Variants in PTGER3 observed in about 807,000 individuals in gnomAD.
PTGER3 encodes prostaglandin E receptor 3, also known as prostaglandin E2 receptor EP3 subtype.
PTGER3 carries 22 observed loss-of-function variants against 34.7 expected under a neutral mutation model. That is an observed-to-expected ratio of 0.63 (90% CI 0.45 to 0.91). The LOEUF is 0.91. PTGER3 is among the 40% of genes least tolerant of loss of function. The pLI is 0.00. For synonymous variants in PTGER3, 241 were observed against 230.1 expected (o/e 1.05, Z -0.43); for missense variants, 468 against 519.4 (o/e 0.90, Z 0.96).
At chr1:70,865,984 C>T in intron 4 of PTGER3, 1 of 390,422 alleles carries the variant, frequency 2.6e-6, no homozygotes, top group East Asian at 7.4e-5. Flanking sequence ...TCAAGCACTT[C>T]CTTCTCTGGG....
chr1:71,026,752 A>G (rs1388967848), intron 1 of PTGER3, among the ~76,000 whole-genome samples: 3 of 152,076 alleles, frequency 2.0e-5, no homozygotes, highest in African/African-American at 2.4e-5. Flanking sequence ...TTACTATTAT[A>G]ATGTTTCTAA....
chr1:71,043,273 C>T (rs570308502), intron 1 of PTGER3, among the ~76,000 whole-genome samples: 13 of 152,296 alleles, frequency 8.5e-5, no homozygotes, highest in Admixed American at 8.5e-4. Context: ...TAACTAAAAA[C>T]TGTAGGTCAT....
chr1:70,987,504 T>C (rs1164405293), intron 2 of PTGER3, among the ~76,000 whole-genome samples: 2 of 152,202 alleles, frequency 1.3e-5, no homozygotes, highest in Non-Finnish European at 2.9e-5. Context: ...ATAATAAATA[T>C]GGTAATTGCA....
chr1:70,927,132 C>T (rs539116984), intron 4 of PTGER3, among the ~76,000 whole-genome samples: 4 of 152,226 alleles, frequency 2.6e-5, no homozygotes, highest in Admixed American at 2.0e-4. Flanking sequence ...GGATATTGGT[C>T]TAAAATTCTC....
chr1:70,896,588 C>A (rs570110001), intron 4 of PTGER3, among the ~76,000 whole-genome samples: 2 of 152,168 alleles, frequency 1.3e-5, no homozygotes, highest in African/African-American at 4.8e-5. Context: ...ATTGTTACAG[C>A]AGCCCTAGGA....
intron 1 of PTGER3, among the ~76,000 whole-genome samples, chr1:71,028,815 T>C (rs1222031661): frequency 5.9e-5 from 9 of 152,312 alleles, no homozygotes; most frequent in Admixed American, 5.2e-4. Context: ...AGAATTTTTA[T>C]TACTAACAAC....
chr1:71,001,168 A>T (rs1208222920), intron 2 of PTGER3, among the ~76,000 whole-genome samples: 2 of 151,982 alleles, frequency 1.3e-5, no homozygotes, highest in Non-Finnish European at 2.9e-5. Context: ...AGAGATGCAC[A>T]TAGTATTTTA....
intron 4 of PTGER3, among the ~76,000 whole-genome samples, chr1:70,855,153 GA>G (rs34747258): frequency 0.33 from 49,451 of 151,972 alleles, 8,639 homozygotes; most frequent in Middle Eastern, 0.39. Context: ...AAAAGAGAAG[GA>G]AATTCTGTCA....
downstream of PTGER3, among the ~76,000 whole-genome samples, chr1:70,948,994 A>AT (rs1441158429): frequency 6.6e-6 from 1 of 152,154 alleles, no homozygotes; most frequent in Non-Finnish European, 1.5e-5. Flanking sequence ...TGAGTTAAAT[A>AT]TTGGACTGGA....
intron 4 of PTGER3, among the ~76,000 whole-genome samples, chr1:70,883,015 G>A (rs1270906753): frequency 2.0e-5 from 3 of 152,114 alleles, no homozygotes; most frequent in Admixed American, 6.5e-5. Context: ...ACATTATTGA[G>A]GGCCTTACAT....
At chr1:70,939,409 G>T (rs527989821) in intron 4 of PTGER3, among the ~76,000 whole-genome samples, 24 of 152,196 alleles carry the variant, frequency 1.6e-4, no homozygotes, top group Non-Finnish European at 2.6e-4. Context: ...CTGGAGGAAG[G>T]TGGCCCTCTT....
chr1:71,025,928 C>T, intron 1 of PTGER3, among the ~76,000 whole-genome samples: 1 of 152,188 alleles, frequency 6.6e-6, no homozygotes, highest in East Asian at 1.9e-4. Flanking sequence ...AAAGCGAAAG[C>T]AATGCTATTG....
Position 71,012,064 on chromosome 1 carries a change from G to A in PTGER3, c.1077+241C>T, listed in dbSNP as rs953035404. 29 of 1,449,382 alleles carry A rather than the reference G, an allele frequency of 2.0e-5. No homozygotes were observed. In the African/African-American group the frequency reaches 4.0e-4, roughly 20 times the overall value. The allele number at this position is 1,449,382 out of a possible 1,614,324, so 89.8% of individuals were successfully genotyped here. ...TGTTTCACTACTTTTGGCACATAGGGATTTTCTATGCTTCTAAGACCATTT... is the reference window on the plus strand; with the variant it reads ...TGTTTCACTACTTTTGGCACATAGGAATTTTCTATGCTTCTAAGACCATTT... On this transcript the variant is annotated intron_variant, in intron 2 of 3. Coordinates refer to ENST00000306666, the MANE Select transcript of PTGER3 (RefSeq NM_198719.2).
chr1:70,953,132 TA>T, intron 3 of PTGER3: 1 of 1,291,994 alleles, frequency 7.7e-7, no homozygotes, highest in Non-Finnish European at 1.0e-6. Context: ...ATAATACAAA[TA>T]AAAAGGTGAT....
At position 70,918,732 on chromosome 1, in the gene PTGER3, A is replaced by G. The variant is rs140210300; in HGVS notation, c.*23+35031T>C. On this transcript the variant is annotated intron_variant, in intron 4 of 4. Coordinates refer to the PTGER3 transcript ENST00000370931. Reference sequence around the variant, plus strand: ...GATCCTCTAGCTCCTGACAGCACCAATGTGTTGATTCTACAGTTGAATTTT... The same window carrying G: ...GATCCTCTAGCTCCTGACAGCACCAGTGTGTTGATTCTACAGTTGAATTTT... 3.7e-3 allele frequency among the ~76,000 whole-genome samples: 560 copies of G among 152,138 alleles called. 5 individuals are homozygous for G. The highest frequency in any genetic ancestry group is 0.013 in the African/African-American group (534 of 41,546).
intron 2 of PTGER3, among the ~76,000 whole-genome samples, chr1:70,996,678 T>G (rs929637694): frequency 1.3e-5 from 2 of 149,734 alleles, no homozygotes; most frequent in South Asian, 2.1e-4. Context: ...TTTATTTATT[T>G]ATTGAGACGG....
intron 2 of PTGER3, among the ~76,000 whole-genome samples, chr1:70,965,047 G>T (rs753811584): frequency 2.7e-4 from 41 of 152,142 alleles, no homozygotes; most frequent in Non-Finnish European, 4.3e-4. Flanking sequence ...GATGAGTGAG[G>T]GTTAGTCACA....
At chr1:70,995,397 C>CT (rs1655840970) in intron 2 of PTGER3, among the ~76,000 whole-genome samples, 1 of 152,200 alleles carries the variant, frequency 6.6e-6, no homozygotes, top group Admixed American at 6.5e-5. Context: ...AAAGGACACT[C>CT]TAAGTCTCTG....
intron 2 of PTGER3, among the ~76,000 whole-genome samples, chr1:70,974,724 C>T (rs761079604): frequency 6.6e-6 from 1 of 152,128 alleles, no homozygotes; most frequent in Non-Finnish European, 1.5e-5. Context: ...GATTATTTTT[C>T]GTGATTTCCC....
Sources: gnomAD v4.1 joint callset for allele counts (sites outside exome capture counted in the v4.1 genomes callset) on GRCh38, gnomAD v4.1.1 for gene constraint, MANE v1.5 for transcripts, NCBI Gene and HGNC (gene_info 2026-07-23, HGNC 2026-07-21) for gene names.